CCDC30: variants seen among roughly 807,000 people sequenced by gnomAD.
CCDC30 encodes coiled-coil domain containing 30.
CCDC30 carries 70 observed loss-of-function variants against 100.2 expected under a neutral mutation model. The ratio of observed to expected loss-of-function variants is 0.70; its 90% CI spans 0.58 to 0.85. CCDC30 has a LOEUF of 0.85. CCDC30 is among the 40% of genes least tolerant of loss of function. The pLI, the probability that CCDC30 is intolerant of heterozygous loss-of-function variation, is 0.00. For synonymous variants in CCDC30, 233 were observed against 269.5 expected, an observed-to-expected ratio of 0.86 and a Z score of 1.33; for missense variants, 652 against 771.2, an observed-to-expected ratio of 0.85 and a Z score of 1.83.
At position 42,557,661 on chromosome 1, in the gene CCDC30, TTAAA is replaced by T. The variant is rs1303705630; in HGVS notation, c.457-8632_457-8629del. On this transcript the variant is annotated intron_variant, in intron 6 of 16. Transcript: ENST00000668663. ...AATTAAATAAAATATTTTATTTATA[TTAAA>T]TATATTAAATAAAATATTTTATTTA... 6.6e-4 allele frequency among the ~76,000 whole-genome samples: 97 copies of T among 147,274 alleles called. 2 individuals are homozygous for T. Among genetic ancestry groups the T allele is most frequent in the Middle Eastern group, 3.6e-3 (1 of 276 alleles).
intron 6 of CCDC30, among the ~76,000 whole-genome samples, chr1:42,511,766 A>C (rs374919487): frequency 6.6e-6 from 1 of 152,160 alleles, no homozygotes; most frequent in African/African-American, 2.4e-5. Context: ...GAGGATTTTT[A>C]TTCCTCTAGG....
rs575144655 is a variant in CCDC30, at chr1:42,589,597, A to C, written c.1164+114A>C. On this transcript the variant is annotated intron_variant, in intron 10 of 16. Coordinates refer to ENST00000668663, the Ensembl canonical transcript of CCDC30. Reference sequence around the variant, plus strand: ...CTAATCCTTTAGTCAGGGTTCAGTCAGGAAAGTAGAATCTACTCTAGGTAT... The same window carrying C: ...CTAATCCTTTAGTCAGGGTTCAGTCCGGAAAGTAGAATCTACTCTAGGTAT... The C allele has an allele frequency of 3.4e-6, 3 of 891,108 alleles. No homozygotes were observed. In the African/African-American group the frequency reaches 5.0e-5, roughly 15 times the overall value. 55.2% of individuals were successfully genotyped at this position (891,108 alleles called of 1,614,324 possible).
At chr1:42,456,170 G>T in the CCDC30 span, 1 of 621,252 alleles carries the variant, frequency 1.6e-6, no homozygotes. Flanking sequence ...AAAAGGGGAA[G>T]AAAGAAAGAA....
At chr1:42,473,277 G>A (rs1643827106) in intron 1 of CCDC30, 1 of 1,231,480 alleles carries the variant, frequency 8.1e-7, no homozygotes, top group Admixed American at 4.2e-5. Context: ...AGAGCTTATA[G>A]TGAAGCACAT....
intron 10 of CCDC30, among the ~76,000 whole-genome samples, chr1:42,608,576 G>C (rs1646552599): frequency 6.6e-6 from 1 of 151,958 alleles, no homozygotes; most frequent in Non-Finnish European, 1.5e-5. Context: ...GGCGGTGGGC[G>C]CCTGGGTAGT....
chr1:42,647,000 T>A (rs1331688384), intron 15 of CCDC30, among the ~76,000 whole-genome samples: 1 of 152,078 alleles, frequency 6.6e-6, no homozygotes, highest in African/African-American at 2.4e-5. Context: ...CTCAGGAGGC[T>A]GAGGAAGGAG....
At chr1:42,531,270 T>C (rs1644801544) in intron 6 of CCDC30, among the ~76,000 whole-genome samples, 1 of 152,190 alleles carries the variant, frequency 6.6e-6, no homozygotes, top group Non-Finnish European at 1.5e-5. Flanking sequence ...GTAAGCTTCC[T>C]GAGGCCTCCC....
intron 7 of CCDC30, among the ~76,000 whole-genome samples, chr1:42,571,892 T>C (rs908257879): frequency 2.0e-5 from 3 of 152,214 alleles, no homozygotes; most frequent in Admixed American, 6.5e-5. Flanking sequence ...GAACAGAGGG[T>C]TTAACAGCAC....
chr1:42,539,419 C>T (rs1243608911), intron 6 of CCDC30, 109 bp downstream of exon 8: 2 of 988,796 alleles, frequency 2.0e-6, no homozygotes, highest in Non-Finnish European at 2.9e-6. Context: ...ATTGGAGTTT[C>T]TTCTATTATT....
At chr1:42,586,574 G>A (rs1374313101) in intron 9 of CCDC30, among the ~76,000 whole-genome samples, 1 of 152,122 alleles carries the variant, frequency 6.6e-6, no homozygotes, top group Admixed American at 6.6e-5. Context: ...CAAAGTGTTA[G>A]GAGGTGTGAG....
chr1:42,637,225 T>G lies in CCDC30; in HGVS notation c.1278-12T>G. ...TGTTCAGATGTGTCTAAACTCAAATTTACTTTTATAGAAACTATAATGAGA... is the reference window on the plus strand; with the variant it reads ...TGTTCAGATGTGTCTAAACTCAAATGTACTTTTATAGAAACTATAATGAGA... On this transcript the variant is annotated splice_polypyrimidine_tract_variant and intron_variant, in intron 11 of 16. Coordinates refer to ENST00000668663, the Ensembl canonical transcript of CCDC30. 1 of 1,576,072 alleles carries G rather than the reference T, an allele frequency of 6.3e-7. No individual in the cohort carries two copies. Among genetic ancestry groups the G allele is most frequent in the Non-Finnish European group, 8.6e-7 (1 of 1,168,770 alleles).
chr1:42,517,110 G>T (rs767976824), intron 6 of CCDC30, among the ~76,000 whole-genome samples: 25 of 152,084 alleles, frequency 1.6e-4, no homozygotes, highest in Non-Finnish European at 3.5e-4. Flanking sequence ...ATGACACAGG[G>T]TCTTGCTCTG....
intron 6 of CCDC30, chr1:42,510,096 G>A: frequency 1.0e-6 from 1 of 985,360 alleles, no homozygotes; most frequent in Non-Finnish European, 1.2e-6. Context: ...TGTAGATGGT[G>A]GGCAGGAAGA....
At chr1:42,581,251 G>A in intron 8 of CCDC30, 109 bp from the exon 13 acceptor site, 1 of 809,330 alleles carries the variant, frequency 1.2e-6, no homozygotes, top group Non-Finnish European at 2.0e-6. Context: ...CTTCAGGTCA[G>A]ATTAATATGT....
chr1:42,501,665 C>T (rs1470125677), intron 6 of CCDC30, among the ~76,000 whole-genome samples: 1 of 152,084 alleles, frequency 6.6e-6, no homozygotes, highest in East Asian at 1.9e-4. Flanking sequence ...GTTAGTTTTC[C>T]TTCTAACAGT....
intron 14 of CCDC30, among the ~76,000 whole-genome samples, chr1:42,645,103 T>G (rs1049560166): frequency 2.6e-5 from 4 of 152,116 alleles, no homozygotes; most frequent in African/African-American, 9.7e-5. Context: ...CTCCTCTATC[T>G]CATTAACTCA....
chr1:42,527,468 C>T (rs899391927), intron 6 of CCDC30, among the ~76,000 whole-genome samples: 5 of 152,114 alleles, frequency 3.3e-5, no homozygotes, highest in African/African-American at 1.2e-4. Flanking sequence ...ATAATAATGT[C>T]CCTAGGACTC....
intron 1 of CCDC30, among the ~76,000 whole-genome samples, chr1:42,475,600 A>G (rs941082028): frequency 8.5e-5 from 13 of 152,308 alleles, no homozygotes; most frequent in Admixed American, 7.8e-4. Context: ...GAAGGGAAAA[A>G]TTATATCTTC....
In CCDC30 at chr1:42,611,112, T is replaced by C. The variant is rs766816876; in HGVS notation, c.1277+22T>C. The C allele has an allele frequency of 8.5e-6, 12 of 1,417,372 alleles. No individual in the cohort carries two copies. In the African/African-American group the frequency reaches 1.7e-4, roughly 20 times the overall value. 87.8% of individuals were successfully genotyped at this position (1,417,372 alleles called of 1,614,324 possible). ...TGAGGTAAACAAAGACAAGTTCTCT[T>C]TGGAAGAAAACTATGTAGAGTAGTT... is the stretch of plus-strand genomic sequence containing the variant. On this transcript the variant is annotated intron_variant, in intron 11 of 16. Coordinates refer to ENST00000668663, the Ensembl canonical transcript of CCDC30.
Sources: gnomAD v4.1 joint callset for allele counts (sites outside exome capture counted in the v4.1 genomes callset) on GRCh38, gnomAD v4.1.1 for gene constraint, MANE v1.5 for transcripts, NCBI Gene and HGNC (gene_info 2026-07-23, HGNC 2026-07-21) for gene names.